The following ADGRE1 variants were observed in gnomAD, a reference collection of about 807,000 sequenced individuals.
ADGRE1 encodes EGF-like module receptor 1.
In ADGRE1, 82 loss-of-function variants were observed where a neutral mutation model predicts 102.7. The observed-to-expected ratio is 0.80, with a 90% CI of 0.67 to 0.96. The LOEUF is 0.96. Among genes scored for constraint, ADGRE1 ranks in the 40% least tolerant of loss-of-function variants. ADGRE1 has a pLI of 0.00. For synonymous variants in ADGRE1, 398 were observed against 399.6 expected, an observed-to-expected ratio of 1.00 and a Z score of 0.05; for missense variants, 1,032 against 1,085.3, an observed-to-expected ratio of 0.95 and a Z score of 0.69.
intron 9 of ADGRE1, among the ~76,000 whole-genome samples, chr19:6,907,200 G>T (rs1450454827): frequency 6.6e-6 from 1 of 152,084 alleles, no homozygotes; most frequent in African/African-American, 2.4e-5. Context: ...ACATGCCTTG[G>T]ACCACTGTTT....
chr19:6,896,180 C>CAAAAGA, intron 2 of ADGRE1: 2 of 499,800 alleles, frequency 4.0e-6, no homozygotes, highest in Non-Finnish European at 7.2e-6. Context: ...TACTCCAGCA[C>CAAAAGA]TACTTCATCT....
intron 10 of ADGRE1, 127 bp from the exon 11 acceptor site, chr19:6,913,526 C>T (rs1044183887): frequency 9.8e-5 from 82 of 835,534 alleles, no homozygotes; most frequent in Middle Eastern, 2.6e-4. Context: ...AAAAGGAGCC[C>T]GAGTGGATGC....
At chr19:6,939,997 C>T (rs200918017) in intron 20 of ADGRE1, 27 bp from the exon 21 acceptor site, 272 of 1,613,650 alleles carry the variant, frequency 1.7e-4, no homozygotes, top group Non-Finnish European at 2.2e-4. Context: ...GCTGCAGACT[C>T]TGAGGAAATT....
chr19:6,938,152 C>T (rs1222510146), intron 20 of ADGRE1, among the ~76,000 whole-genome samples: 1 of 151,972 alleles, frequency 6.6e-6, no homozygotes, highest in Non-Finnish European at 1.5e-5. Context: ...ACCTGGCCAA[C>T]ATGGCAAAAC....
intron 17 of ADGRE1, among the ~76,000 whole-genome samples, chr19:6,933,514 G>A (rs989782873): frequency 9.9e-5 from 15 of 151,516 alleles, no homozygotes; most frequent in Admixed American, 2.0e-4. Flanking sequence ...CAGCCTCTGC[G>A]GTAGCTGGGA....
intron 12 of ADGRE1, among the ~76,000 whole-genome samples, chr19:6,918,578 C>A (rs542142088): frequency 6.6e-6 from 1 of 152,196 alleles, no homozygotes; most frequent in East Asian, 1.9e-4. Flanking sequence ...GGAGACCGTC[C>A]ATATTTAAAG....
rs545954258 is a variant in ADGRE1 at position 6,890,123 on chromosome 19, C to T, written c.32-358C>T. ...TAGAGACAAAGTCTCACTGTGTTGTCCAGGCCGGTGTCAAACTGCTGGTCT... is the reference window on the plus strand; with the variant it reads ...TAGAGACAAAGTCTCACTGTGTTGTTCAGGCCGGTGTCAAACTGCTGGTCT... On this transcript the variant is annotated intron_variant, in intron 1 of 20. Transcript: ENST00000312053. 2.5e-3 allele frequency among the ~76,000 whole-genome samples: 385 copies of T among 152,188 alleles called. 2 individuals carry two copies. Among genetic ancestry groups the T allele is most frequent in the Non-Finnish European group, 4.7e-3 (323 of 68,000 alleles).
At position 6,940,130 on chromosome 19, in the gene ADGRE1, T is replaced by G; in HGVS notation, c.*101T>G. The G allele has an allele frequency of 7.2e-7, 1 of 1,388,840 alleles. No homozygotes were observed. The highest frequency in any genetic ancestry group is 1.0e-6 in the Non-Finnish European group (1 of 991,010). The allele number at this position is 1,388,840 out of a possible 1,614,324, so 86.0% of individuals were successfully genotyped here. A position where few individuals can be genotyped will look rare whatever the true frequency, so the allele number is the denominator to read the frequency against. On this transcript the variant is annotated 3_prime_UTR_variant, in exon 21 of 21. Transcript: ENST00000312053. ...ATCTCTTCTCAGCTTAACATGGAAA[T>G]GAGGATCCCACCAGCCCCAGAACCC...
intron 17 of ADGRE1, chr19:6,928,670 G>A (rs1018468544): frequency 2.9e-5 from 5 of 173,614 alleles, no homozygotes; most frequent in African/African-American, 4.8e-5. Context: ...GCCAGGTTGC[G>A]GTGGCTCATG....
At chr19:6,939,066 G>T (rs1424986902) in intron 20 of ADGRE1, among the ~76,000 whole-genome samples, 1 of 152,004 alleles carries the variant, frequency 6.6e-6, no homozygotes, top group African/African-American at 2.4e-5. Context: ...AAAGTTCTGG[G>T]ATTACAGGTG....
At chr19:6,904,339 G>T (rs927201473) in intron 8 of ADGRE1, among the ~76,000 whole-genome samples, 157 bp downstream of exon 8, 2 of 145,600 alleles carry the variant, frequency 1.4e-5, no homozygotes, top group African/African-American at 5.4e-5. Context: ...TTCAACAAAT[G>T]ATTTTTGGAG....
intron 9 of ADGRE1, among the ~76,000 whole-genome samples, chr19:6,907,731 G>T (rs1374535563): frequency 1.3e-5 from 2 of 152,048 alleles, no homozygotes; most frequent in Non-Finnish European, 2.9e-5. Flanking sequence ...CTGTCTCTGT[G>T]GATTTGTCTA....
At position 6,920,516 on chromosome 19, in the gene ADGRE1, C is replaced by CTTTTTTTTTTT. The variant is rs3053967; in HGVS notation, c.1620+783_1620+793dup. On this transcript the variant is annotated intron_variant, in intron 13 of 20. Transcript: ENST00000312053. Reference sequence around the variant, plus strand: ...TTACAGGCATGAACCACCATGCCCGCTTTTTTTTTTTTTTTTTTTTTTTTG... The same window carrying CTTTTTTTTTTT: ...TTACAGGCATGAACCACCATGCCCGCTTTTTTTTTTTTTTTTTTTTTTTTTTTTTTTTTTTG... 6.9e-4 allele frequency among the ~76,000 whole-genome samples: 52 copies of CTTTTTTTTTTT among 75,734 alleles called. 7 individuals are homozygous for CTTTTTTTTTTT. The highest frequency in any genetic ancestry group is 1.5e-3 in the Admixed American group (7 of 4,734). The allele number at this position is 75,734 out of a possible 152,430, so 49.7% of individuals were successfully genotyped here. A position where few individuals can be genotyped will look rare whatever the true frequency, so the allele number is the denominator to read the frequency against.
chr19:6,906,575 G>C (rs1176641928), intron 9 of ADGRE1, 54 bp downstream of exon 9: 1 of 1,524,510 alleles, frequency 6.6e-7, no homozygotes, highest in African/African-American at 1.4e-5. Context: ...AGCCATTTAG[G>C]TAGAATGTTG....
intron 2 of ADGRE1, among the ~76,000 whole-genome samples, chr19:6,891,733 G>A (rs1283534826): frequency 2.0e-5 from 3 of 152,158 alleles, no homozygotes; most frequent in Non-Finnish European, 4.4e-5. Flanking sequence ...ACAGGCATGA[G>A]CCACTGCGCC....
At chr19:6,917,265 A>T (rs753705268) in intron 12 of ADGRE1, among the ~76,000 whole-genome samples, 1 of 152,262 alleles carries the variant, frequency 6.6e-6, no homozygotes, top group South Asian at 2.1e-4. Context: ...ATGTAAAAGC[A>T]CAGTGTGCAA....
At chr19:6,938,859 G>A (rs113866516) in intron 20 of ADGRE1, among the ~76,000 whole-genome samples, 2,160 of 149,358 alleles carry the variant, frequency 0.014, 21 homozygotes, top group Non-Finnish European at 0.021. Flanking sequence ...GCAGTGGTGT[G>A]ATCTTGGCTC....
intron 3 of ADGRE1, 74 bp downstream of exon 3, chr19:6,896,615 T>C: frequency 6.5e-7 from 1 of 1,535,702 alleles, no homozygotes; most frequent in Non-Finnish European, 8.9e-7. Flanking sequence ...GTATTGAATG[T>C]AGGTACTCCC....
At chr19:6,927,832 T>C (rs1460371651) in intron 16 of ADGRE1, among the ~76,000 whole-genome samples, 1 of 151,972 alleles carries the variant, frequency 6.6e-6, no homozygotes, top group Admixed American at 6.6e-5. Flanking sequence ...CGGCCTGAGC[T>C]GAGATTTGAA....
Sources: allele counts gnomAD v4.1 joint callset (sites outside exome capture counted in the v4.1 genomes callset), GRCh38; gene constraint gnomAD v4.1.1; transcripts MANE v1.5; gene names NCBI Gene and HGNC (gene_info 2026-07-23, HGNC 2026-07-21).